The following TUB variants were observed in gnomAD, a reference collection of about 807,000 sequenced individuals.
TUB encodes the protein tubby protein homolog.
A neutral mutation model predicts 59.7 loss-of-function variants in TUB; 33 were observed. That is an observed-to-expected ratio of 0.55 (90% CI 0.42 to 0.74). The LOEUF is 0.74. Ranked by LOEUF, TUB falls within the 30% of genes least tolerant of loss-of-function variation. The probability of loss-of-function intolerance (pLI) is 0.00; values close to 1 mark genes in which losing one functional copy is unlikely to be tolerated. For synonymous variants in TUB, 293 were observed against 256.4 expected (o/e 1.14, Z -1.36); for missense variants, 659 against 672.0 (o/e 0.98, Z 0.21).
chr11:8,090,612 A>G (rs1943753635), intron 3 of TUB, among the ~76,000 whole-genome samples: 2 of 152,154 alleles, frequency 1.3e-5, no homozygotes, highest in East Asian at 1.9e-4. Context: ...GTCCTGCCCC[A>G]TATCAACCAG....
At chr11:8,078,087 C>T (rs75091365), upstream of TUB, among the ~76,000 whole-genome samples, 2 of 152,068 alleles carry the variant, frequency 1.3e-5, no homozygotes, top group South Asian at 4.1e-4. Context: ...GTGGCTAAGT[C>T]CCAAAATGCT....
At chr11:8,076,142 C>G (rs1393752335) in intron 2 of TUB, 2 of 152,206 alleles carry the variant, frequency 1.3e-5, no homozygotes, top group African/African-American at 2.4e-5. Context: ...ACATCTGGCT[C>G]TCTTGCTGGG....
chr11:8,095,453 C>A, intron 4 of TUB, 45 bp from the exon 5 acceptor site: 1 of 1,564,310 alleles, frequency 6.4e-7, no homozygotes, highest in Non-Finnish European at 8.7e-7. Flanking sequence ...CCAGGCCCTC[C>A]TCTCCTCCTC....
At chr11:8,023,198 C>T (rs12292108) in intron 1 of TUB, among the ~76,000 whole-genome samples, 20,645 of 152,186 alleles carry the variant, frequency 0.14, 1,620 homozygotes, top group African/African-American at 0.18. Context: ...GCAGAAGCTG[C>T]AGGGTCTCTT....
At chr11:8,054,905 A>G (rs752931470) in intron 2 of TUB, among the ~76,000 whole-genome samples, 1 of 152,144 alleles carries the variant, frequency 6.6e-6, no homozygotes, top group Non-Finnish European at 1.5e-5. Context: ...ATTTTAAACA[A>G]TCTCTCAAAG....
intron 2 of TUB, among the ~76,000 whole-genome samples, chr11:8,069,992 C>G (rs1261199567): frequency 6.6e-6 from 1 of 152,220 alleles, no homozygotes; most frequent in Non-Finnish European, 1.5e-5. Flanking sequence ...TGGGCATGCT[C>G]TCACGGGAAA....
At chr11:8,019,258 G>GCGC (rs1191788203) in exon 1 of TUB, 8 of 1,243,602 alleles carry the variant, frequency 6.4e-6, no homozygotes, top group East Asian at 3.2e-5. Flanking sequence ...CCCAAGCCCA[G>GCGC]CGCCGCCGCC....
At chr11:8,051,150 A>G (rs1169650176) in intron 2 of TUB, among the ~76,000 whole-genome samples, 2 of 152,176 alleles carry the variant, frequency 1.3e-5, no homozygotes, top group Non-Finnish European at 2.9e-5. Flanking sequence ...ATGGGCTTAA[A>G]TTCTTAGGTG....
At chr11:8,086,329 G>A (rs1943665290) in intron 1 of TUB, among the ~76,000 whole-genome samples, 1 of 152,146 alleles carries the variant, frequency 6.6e-6, no homozygotes, top group African/African-American at 2.4e-5. Context: ...AAAGGAAGAT[G>A]CCTTAGGAAT....
chr11:8,087,056 A>G (rs1943682777), intron 1 of TUB, among the ~76,000 whole-genome samples: 2 of 152,244 alleles, frequency 1.3e-5, no homozygotes, highest in Admixed American at 1.3e-4. Flanking sequence ...CCTCTGGCAT[A>G]ACTGTGCATA....
chr11:8,031,912 G>C (rs543392979), intron 1 of TUB, among the ~76,000 whole-genome samples: 3 of 152,152 alleles, frequency 2.0e-5, no homozygotes, highest in African/African-American at 7.2e-5. Context: ...GGGCCACTTC[G>C]CCTTCCGCGG....
At chr11:8,056,085 G>T (rs896565807) in intron 2 of TUB, among the ~76,000 whole-genome samples, 9 of 152,190 alleles carry the variant, frequency 5.9e-5, no homozygotes, top group African/African-American at 2.2e-4. Flanking sequence ...CCTGAGGCTG[G>T]ATCTGGAGGA....
chr11:8,043,551 TA>T (rs1336241705), intron 2 of TUB, among the ~76,000 whole-genome samples: 1 of 152,240 alleles, frequency 6.6e-6, no homozygotes, highest in Non-Finnish European at 1.5e-5. Flanking sequence ...TTTTGATCCA[TA>T]AATACAGGAT....
At position 8,101,494 on chromosome 11, in the gene TUB, A is replaced by G. The variant is rs767415747; in HGVS notation, c.1396A>G (p.Ile466Val). 1.2e-6 allele frequency: 2 copies of G among 1,614,142 alleles called. No homozygotes were observed. Among genetic ancestry groups the G allele is most frequent in the Non-Finnish European group, 1.7e-6 (2 of 1,180,026 alleles). ...QIIHGNDPDY[I>V]VMQFGRVAED... Reference sequence around the variant, plus strand: ...CCTGTGCTTGGCCCCAGCGGACTACATCGTGATGCAGTTTGGCCGGGTAGC... The same window carrying G: ...CCTGTGCTTGGCCCCAGCGGACTACGTCGTGATGCAGTTTGGCCGGGTAGC... Residue 466 changes from isoleucine (I) to valine (V), a missense_variant, in exon 12 of 12, where the codon ATC becomes GTC. This residue lies in a region of TUB where 226 missense variants were observed against 210.8 expected (regional missense o/e 1.07). Transcript: ENST00000299506.
At chr11:8,097,858 G>T (rs1454853822) in intron 8 of TUB, 32 bp downstream of exon 8, 1 of 1,575,718 alleles carries the variant, frequency 6.3e-7, no homozygotes, top group African/African-American at 1.3e-5. Context: ...GCAGGCGGGA[G>T]TGGGAGGGAG....
At chr11:8,100,442 C>G (rs895966714) in intron 9 of TUB, 61 bp from the exon 10 acceptor site, 3 of 1,345,312 alleles carry the variant, frequency 2.2e-6, no homozygotes, top group East Asian at 2.3e-5. Flanking sequence ...CCCGTCCCCC[C>G]CACCTTCTCC....
At chr11:8,080,736 T>G (rs1439451356), upstream of TUB, among the ~76,000 whole-genome samples, 1 of 152,208 alleles carries the variant, frequency 6.6e-6, no homozygotes, top group African/African-American at 2.4e-5. Flanking sequence ...AAACACCTCC[T>G]TAACCCAAAG....
Position 8,090,213 on chromosome 11 carries a change from G to A in TUB, c.235G>A (p.Gly79Ser), listed in dbSNP as rs1426355001. ...PLVESYLSSSGSTSYQVQEAD... is the reference protein window; with the variant it reads ...PLVESYLSSSSSTSYQVQEAD... ...GGTGGAGTCCTACCTCAGCAGCAGT[G>A]GCAGCACCAGCTACCAAGGTATACC... The change falls in exon 3 of 12, where the codon GGC becomes AGC. Residue 79 changes from glycine (G) to serine (S), a missense_variant. By Grantham distance (56) the Gly-to-Ser change is moderately conservative. Around this residue, in one of 3 missense-constraint regions of TUB, gnomAD observed 321 missense variants for 304.3 expected, o/e 1.05. Coordinates refer to ENST00000299506, the MANE Select transcript of TUB (RefSeq NM_177972.3). 1 of 1,613,510 alleles carries A rather than the reference G, an allele frequency of 6.2e-7. No individual in the cohort carries two copies. Among genetic ancestry groups the A allele is most frequent in the East Asian group, 2.2e-5 (1 of 44,894 alleles).
At chr11:8,068,731 C>G (rs1425916496) in intron 2 of TUB, 3 of 152,644 alleles carry the variant, frequency 2.0e-5, no homozygotes, top group Non-Finnish European at 4.4e-5. Flanking sequence ...CCCCACGGGT[C>G]TTCACCTCTG....
Sources: gnomAD v4.1 joint callset for allele counts (sites outside exome capture counted in the v4.1 genomes callset) on GRCh38, gnomAD v4.1.1 for gene constraint, gnomAD v4.1.1 regional missense constraint, MANE v1.5 for transcripts, NCBI Gene and HGNC (gene_info 2026-07-23, HGNC 2026-07-21) for gene names.